Variants in SORCS2 observed in about 807,000 individuals in gnomAD.
The protein encoded by SORCS2 is sortilin related VPS10 domain containing receptor 2.
SORCS2 carries 100 observed loss-of-function variants against 141.6 expected under a neutral mutation model. The ratio of observed to expected loss-of-function variants is 0.71; its 90% CI spans 0.60 to 0.83. The LOEUF (loss-of-function observed/expected upper bound fraction) is 0.83. Ranked by LOEUF, SORCS2 falls within the 40% of genes least tolerant of loss-of-function variation. The pLI is 0.00. For missense variants in SORCS2, 1,646 were observed against 1,560.2 expected, an observed-to-expected ratio of 1.05 and a Z score of -0.93; for synonymous variants, 789 against 676.9, an observed-to-expected ratio of 1.17 and a Z score of -2.57.
intron 1 of SORCS2, among the ~76,000 whole-genome samples, chr4:7,385,988 A>T (rs963942147): frequency 2.6e-5 from 4 of 152,220 alleles, no homozygotes; most frequent in Non-Finnish European, 5.9e-5. Context: ...GGAGGCCAGA[A>T]AGGAGGGAGG....
chr4:7,235,210 T>C (rs535342411), intron 1 of SORCS2, among the ~76,000 whole-genome samples: 2 of 152,352 alleles, frequency 1.3e-5, no homozygotes, highest in Non-Finnish European at 2.9e-5. Flanking sequence ...CCGGCTTGCA[T>C]GAGGGCGCCT....
intron 2 of SORCS2, among the ~76,000 whole-genome samples, chr4:7,486,252 A>C (rs563851136): frequency 5.4e-3 from 198 of 36,688 alleles, no homozygotes; most frequent in Non-Finnish European, 9.6e-3. Context: ...CTCCTGTCCC[A>C]GGTCACAGCC....
intron 3 of SORCS2, among the ~76,000 whole-genome samples, chr4:7,632,903 T>C (rs896889792): frequency 2.0e-5 from 3 of 151,942 alleles, no homozygotes; most frequent in Non-Finnish European, 2.9e-5. Context: ...CTCCCTATCA[T>C]AGAGGGCTTC....
intron 1 of SORCS2, among the ~76,000 whole-genome samples, chr4:7,374,925 C>T (rs1010182772): frequency 3.9e-5 from 6 of 152,112 alleles, no homozygotes; most frequent in Admixed American, 1.3e-4. Flanking sequence ...CTGGAGCTCA[C>T]CTTTACAGTG....
At chr4:7,194,899 GC>G (rs1177226254) in intron 1 of SORCS2, among the ~76,000 whole-genome samples, 1 of 152,198 alleles carries the variant, frequency 6.6e-6, no homozygotes, top group Non-Finnish European at 1.5e-5. Flanking sequence ...GCTTGCTCCT[GC>G]CCCTTTGTCA....
At chr4:7,466,452 TG>T (rs1475948886) in intron 2 of SORCS2, among the ~76,000 whole-genome samples, 1 of 152,040 alleles carries the variant, frequency 6.6e-6, no homozygotes, top group Non-Finnish European at 1.5e-5. Context: ...GGTCTTGGTA[TG>T]GGGGCAGGGG....
At chr4:7,601,616 C>CAA (rs1168678841) in intron 3 of SORCS2, among the ~76,000 whole-genome samples, 951 of 45,356 alleles carry the variant, frequency 0.021, 62 homozygotes, top group African/African-American at 0.048. Flanking sequence ...AAGACTCTCT[C>CAA]AAAAAAAAAA....
chr4:7,653,442 C>T (rs1721561161), intron 4 of SORCS2, among the ~76,000 whole-genome samples: 1 of 152,120 alleles, frequency 6.6e-6, no homozygotes, highest in Admixed American at 6.5e-5. Flanking sequence ...GGGGTTTCTC[C>T]ATGTTGGTCA....
At chr4:7,394,409 G>C (rs546854922) in intron 1 of SORCS2, among the ~76,000 whole-genome samples, 146 of 146,444 alleles carry the variant, frequency 1.0e-3, no homozygotes, top group African/African-American at 3.2e-3. Context: ...AGGGTTGGAG[G>C]GGGGGTGTAT....
chr4:7,681,341 C>T (rs1336460870), intron 9 of SORCS2, among the ~76,000 whole-genome samples: 1 of 152,124 alleles, frequency 6.6e-6, no homozygotes, highest in Non-Finnish European at 1.5e-5. Context: ...GCACATGGAT[C>T]CTTAACATTG....
intron 2 of SORCS2, among the ~76,000 whole-genome samples, chr4:7,422,027 C>A (rs376845944): frequency 2.0e-5 from 3 of 152,160 alleles, no homozygotes; most frequent in African/African-American, 4.8e-5. Context: ...TGAACCACAC[C>A]GGTGCAGTCC....
intron 3 of SORCS2, among the ~76,000 whole-genome samples, chr4:7,541,008 TCAGA>T (rs1171421502): frequency 1.3e-5 from 2 of 152,198 alleles, no homozygotes; most frequent in Non-Finnish European, 2.9e-5. Context: ...CAGCTGGGGC[TCAGA>T]CAGGACCAAA....
chr4:7,290,167 A>G (rs1472077567), intron 1 of SORCS2, among the ~76,000 whole-genome samples: 2 of 152,144 alleles, frequency 1.3e-5, no homozygotes, highest in Non-Finnish European at 2.9e-5. Flanking sequence ...TTCACACCAC[A>G]TGGCCCAGCG....
intron 1 of SORCS2, among the ~76,000 whole-genome samples, chr4:7,328,249 T>C (rs2108960882): frequency 6.6e-6 from 1 of 151,296 alleles, no homozygotes; most frequent in East Asian, 2.0e-4. Context: ...TTGGCCAGGC[T>C]GGTCTTGAAC....
intron 2 of SORCS2, among the ~76,000 whole-genome samples, chr4:7,456,687 G>T (rs541630713): frequency 6.6e-6 from 1 of 152,268 alleles, no homozygotes; most frequent in East Asian, 1.9e-4. Context: ...TTTGCTCTGG[G>T]CACAGAGGAG....
chr4:7,206,537 G>A (rs1272770685), intron 1 of SORCS2, among the ~76,000 whole-genome samples: 11 of 152,174 alleles, frequency 7.2e-5, no homozygotes, highest in African/African-American at 2.4e-4. Context: ...TCTCCACCCC[G>A]TGGGGTGGGG....
At chr4:7,737,264 G>T in intron 26 of SORCS2, 92 bp downstream of exon 26, 2 of 1,510,332 alleles carry the variant, frequency 1.3e-6, no homozygotes, top group South Asian at 2.5e-5. Context: ...CACCCCGCTG[G>T]GCCGCTGGGG....
chr4:7,435,131 A>T (rs1727211817), intron 2 of SORCS2, among the ~76,000 whole-genome samples: 1 of 152,008 alleles, frequency 6.6e-6, no homozygotes, highest in African/African-American at 2.4e-5. Context: ...AGCCTAGCTG[A>T]TACGTGAATG....
intron 3 of SORCS2, among the ~76,000 whole-genome samples, chr4:7,554,664 G>A (rs1370027205): frequency 6.6e-6 from 1 of 152,230 alleles, no homozygotes; most frequent in African/African-American, 2.4e-5. Flanking sequence ...TTTGATGCCT[G>A]TCAGAGATGC....
Sources: allele counts gnomAD v4.1 joint callset (sites outside exome capture counted in the v4.1 genomes callset), GRCh38; gene constraint gnomAD v4.1.1; transcripts MANE v1.5; gene names NCBI Gene and HGNC (gene_info 2026-07-23, HGNC 2026-07-21).